The following MYBPC1 variants were observed in gnomAD, a reference collection of about 807,000 sequenced individuals.
MYBPC1 encodes the protein myosin binding protein C1.
MYBPC1 carries 52 observed loss-of-function variants against 147.1 expected under a neutral mutation model. The ratio of observed to expected loss-of-function variants is 0.35; its 90% CI spans 0.28 to 0.45. MYBPC1 has a LOEUF of 0.45. Ranked by LOEUF, MYBPC1 falls within the 20% of genes least tolerant of loss-of-function variation. MYBPC1 has a pLI of 1.00. For synonymous variants in MYBPC1, 477 were observed against 475.9 expected, an observed-to-expected ratio of 1.00 and a Z score of -0.03; for missense variants, 1,228 against 1,440.3, an observed-to-expected ratio of 0.85 and a Z score of 2.39.
chr12:101,671,339 T>TCACACACA (rs71094516), intron 24 of MYBPC1, among the ~76,000 whole-genome samples: 4 of 126,184 alleles, frequency 3.2e-5, no homozygotes, highest in African/African-American at 1.1e-4. Context: ...ACACACACAC[T>TCACACACA]CACACACACA....
At chr12:101,605,441 C>T (rs1424145434) in intron 1 of MYBPC1, among the ~76,000 whole-genome samples, 1 of 152,120 alleles carries the variant, frequency 6.6e-6, no homozygotes, top group Non-Finnish European at 1.5e-5. Context: ...TCCCTTTGCA[C>T]CCTTAACAAT....
intron 3 of MYBPC1, among the ~76,000 whole-genome samples, chr12:101,623,197 G>A (rs1887830635): frequency 6.6e-6 from 1 of 152,120 alleles, no homozygotes; most frequent in South Asian, 2.1e-4. Context: ...AAATTAGCTG[G>A]GTGTGGTGGC....
At chr12:101,617,136 C>A in intron 2 of MYBPC1, 66 bp from the exon 3 acceptor site, 2 of 1,496,314 alleles carry the variant, frequency 1.3e-6, no homozygotes, top group East Asian at 2.3e-5. Flanking sequence ...CTCTCCACCC[C>A]GTTGCTCATC....
intron 1 of MYBPC1, among the ~76,000 whole-genome samples, chr12:101,609,533 T>G (rs1202513438): frequency 6.6e-6 from 1 of 152,112 alleles, no homozygotes; most frequent in Middle Eastern, 3.2e-3. Flanking sequence ...TCCTCCCACC[T>G]TGACCTCCCG....
the MYBPC1 span, among the ~76,000 whole-genome samples, chr12:101,695,461 T>C: frequency 6.6e-6 from 1 of 152,216 alleles, no homozygotes; most frequent in Non-Finnish European, 1.5e-5. Flanking sequence ...TTTAATATTT[T>C]TGGACTGTGG....
intron 3 of MYBPC1, among the ~76,000 whole-genome samples, chr12:101,623,338 C>T (rs7967249): frequency 0.035 from 5,386 of 152,090 alleles, 327 homozygotes; most frequent in African/African-American, 0.12. Flanking sequence ...GACTCTGTCT[C>T]AAAAAACAAA....
intron 1 of MYBPC1, among the ~76,000 whole-genome samples, chr12:101,605,116 C>A (rs1221006123): frequency 2.6e-5 from 4 of 152,156 alleles, no homozygotes; most frequent in African/African-American, 9.7e-5. Flanking sequence ...AATGCAGAGG[C>A]CCTTCAGAGG....
At chr12:101,605,736 C>T (rs936573656) in intron 1 of MYBPC1, among the ~76,000 whole-genome samples, 3 of 151,866 alleles carry the variant, frequency 2.0e-5, no homozygotes, top group East Asian at 1.9e-4. Flanking sequence ...GTGGTGGACC[C>T]GTGTAATTCC....
intron 11 of MYBPC1, 129 bp from the exon 12 acceptor site, chr12:101,644,535 G>A: frequency 1.2e-6 from 1 of 816,914 alleles, no homozygotes. Flanking sequence ...TAATTTGGAA[G>A]GTTTCTGATT....
At chr12:101,681,281 AC>A (rs1202792141) in intron 29 of MYBPC1, among the ~76,000 whole-genome samples, 2 of 151,384 alleles carry the variant, frequency 1.3e-5, no homozygotes, top group Non-Finnish European at 2.9e-5. Context: ...CACCATGAAA[AC>A]CCCTTCAAAG....
At chr12:101,677,019 A>G (rs1243808961) in intron 26 of MYBPC1, among the ~76,000 whole-genome samples, 3 of 152,372 alleles carry the variant, frequency 2.0e-5, no homozygotes, top group Middle Eastern at 3.4e-3. Context: ...AGATTAAATT[A>G]CATAGTCAAT....
chr12:101,684,437 A>T lies in MYBPC1; in HGVS notation c.*19+13A>T. 6.4e-7 allele frequency: 1 copy of T among 1,573,926 alleles called. No individual in the cohort carries two copies. The highest frequency in any genetic ancestry group is 8.7e-7 in the Non-Finnish European group (1 of 1,152,328). ...AATATCATCTAAGGTAAGCTTTCAT[A>T]TGGTTTTGGCATATGAAGCTTATGA... On this transcript the variant is annotated intron_variant, in intron 31 of 31. Transcript: ENST00000361466.
At chr12:101,621,275 T>G (rs942481473) in intron 3 of MYBPC1, among the ~76,000 whole-genome samples, 2 of 152,216 alleles carry the variant, frequency 1.3e-5, no homozygotes, top group Non-Finnish European at 2.9e-5. Context: ...CACCACACTT[T>G]TCAATTCAAA....
At chr12:101,610,827 G>A (rs544474021) in intron 1 of MYBPC1, among the ~76,000 whole-genome samples, 15 of 152,310 alleles carry the variant, frequency 9.8e-5, no homozygotes, top group African/African-American at 3.4e-4. Context: ...TCCAACATAG[G>A]TAGCAGGGAA....
intron 1 of MYBPC1, among the ~76,000 whole-genome samples, chr12:101,608,259 G>T (rs769186527): frequency 6.6e-6 from 1 of 152,156 alleles, no homozygotes; most frequent in Non-Finnish European, 1.5e-5. Flanking sequence ...TTTAGTTGTT[G>T]GTTCACAAAC....
chr12:101,652,377 T>G (rs1218519411), intron 16 of MYBPC1, among the ~76,000 whole-genome samples: 1 of 152,214 alleles, frequency 6.6e-6, no homozygotes, highest in African/African-American at 2.4e-5. Context: ...TATGTTCTAT[T>G]TTAGCCTTTT....
At chr12:101,621,840 G>A (rs1027062854) in intron 3 of MYBPC1, among the ~76,000 whole-genome samples, 14 of 152,076 alleles carry the variant, frequency 9.2e-5, no homozygotes, top group Non-Finnish European at 2.1e-4. Flanking sequence ...CTCATATTAC[G>A]AAGTATTTAT....
At chr12:101,598,916 T>A (rs1052219933) in intron 1 of MYBPC1, among the ~76,000 whole-genome samples, 1 of 152,140 alleles carries the variant, frequency 6.6e-6, no homozygotes, top group Non-Finnish European at 1.5e-5. Context: ...CCCAGAAAAA[T>A]TCTCTTCTAA....
chr12:101,680,416 G>A lies in MYBPC1; in HGVS notation c.3320G>A (p.Gly1107Glu), dbSNP rs1210811359. 2.5e-6 allele frequency: 4 copies of A among 1,614,090 alleles called. No individual in the cohort carries two copies. Residue 1107 changes from glycine (G) to glutamate (E), a missense_variant, in exon 29 of 32, where the codon GGA (glycine) becomes GAA (glutamate). Transcript: ENST00000361466. ...AGATACAGGATGTTCAGCAACCAGG[G>A]AGTCTGTACCCTGGAAATTCGCAAG... ...DPRYRMFSNQ[G>E]VCTLEIRKPS...
Sources: gnomAD v4.1 joint callset for allele counts (sites outside exome capture counted in the v4.1 genomes callset) on GRCh38, gnomAD v4.1.1 for gene constraint, MANE v1.5 for transcripts, NCBI Gene and HGNC (gene_info 2026-07-23, HGNC 2026-07-21) for gene names.